Variants in BRD10 observed in about 807,000 individuals in gnomAD.
The protein encoded by BRD10 is uncharacterized bromodomain-containing protein 10.
the BRD10 span, among the ~76,000 whole-genome samples, chr9:5,947,121 A>C: frequency 1.3e-5 from 2 of 152,178 alleles, no homozygotes; most frequent in African/African-American, 4.8e-5. Context: ...CCACGAATGA[A>C]ATCACACAGC....
At chr9:5,898,524 A>G in the BRD10 span, among the ~76,000 whole-genome samples, 1 of 152,182 alleles carries the variant, frequency 6.6e-6, no homozygotes, top group Non-Finnish European at 1.5e-5. Context: ...TGGGGGACAC[A>G]TTCAAACTAT....
the BRD10 span, chr9:6,007,186 C>G: frequency 1.2e-6 from 2 of 1,608,602 alleles, no homozygotes; most frequent in South Asian, 2.2e-5. Context: ...GGGGACCGGG[C>G]TCGCTTACCG....
chr9:5,959,682 C>G, the BRD10 span, among the ~76,000 whole-genome samples: 2 of 152,138 alleles, frequency 1.3e-5, no homozygotes, highest in South Asian at 2.1e-4. Flanking sequence ...CACTACAGAA[C>G]TATATAATAA....
the BRD10 span, chr9:5,919,895 G>GTGC: frequency 6.2e-7 from 1 of 1,613,842 alleles, no homozygotes; most frequent in Non-Finnish European, 8.5e-7. Context: ...AAACACTGAA[G>GTGC]TGCTACTTGG....
the BRD10 span, among the ~76,000 whole-genome samples, chr9:5,957,546 G>A: frequency 7.9e-5 from 12 of 152,202 alleles, no homozygotes; most frequent in African/African-American, 2.9e-4. Flanking sequence ...TGCACTAGGA[G>A]CATACATGTG....
At chr9:5,894,279 G>A in the BRD10 span, among the ~76,000 whole-genome samples, 8 of 152,066 alleles carry the variant, frequency 5.3e-5, no homozygotes, top group South Asian at 1.7e-3. The surrounding 1 kb of genome is among the most constrained non-coding windows in gnomAD (Gnocchi z 4.0). Context: ...TAACTTTCAG[G>A]GTCTAGTCAG....
the BRD10 span, chr9:5,919,543 A>AACACATACAC: frequency 2.5e-6 from 1 of 394,974 alleles, no homozygotes; most frequent in Non-Finnish European, 4.3e-6. Flanking sequence ...GATACATTAA[A>AACACATACAC]ACACACACAC....
chr9:5,943,557 A>C, the BRD10 span, among the ~76,000 whole-genome samples: 2 of 151,958 alleles, frequency 1.3e-5, no homozygotes, highest in Admixed American at 6.5e-5. Context: ...AAAAAAAAAA[A>C]AAACCCTCTG....
the BRD10 span, chr9:5,933,877 G>T: frequency 2.1e-6 from 1 of 468,374 alleles, no homozygotes; most frequent in Non-Finnish European, 4.4e-6. Context: ...GGGGACATTG[G>T]ATACCTAAAA....
At chr9:5,913,090 T>C in the BRD10 span, among the ~76,000 whole-genome samples, 1 of 152,170 alleles carries the variant, frequency 6.6e-6, no homozygotes, top group East Asian at 1.9e-4. Context: ...ATTGTTTTTA[T>C]AGTAAAGAGC....
At chr9:5,974,201 A>T in the BRD10 span, among the ~76,000 whole-genome samples, 1 of 152,188 alleles carries the variant, frequency 6.6e-6, no homozygotes, top group Non-Finnish European at 1.5e-5. Context: ...AATAGCAACA[A>T]AATAAACCAG....
At chr9:5,908,748 C>G in the BRD10 span, 1 of 1,575,206 alleles carries the variant, frequency 6.3e-7, no homozygotes, top group Non-Finnish European at 8.7e-7. Context: ...AATTATTTCT[C>G]TCACACTTTT....
the BRD10 span, among the ~76,000 whole-genome samples, chr9:5,981,705 G>A: frequency 6.6e-6 from 1 of 151,976 alleles, no homozygotes; most frequent in Non-Finnish European, 1.5e-5. Flanking sequence ...GTTTACTATA[G>A]CATTCTATAA....
chr9:5,937,219 ACT>A, the BRD10 span, among the ~76,000 whole-genome samples: 5 of 144,274 alleles, frequency 3.5e-5, no homozygotes, highest in African/African-American at 5.2e-5. Context: ...ATAGAGCAAG[ACT>A]CTGCCTCAAA....
chr9:5,929,047 T>C, the BRD10 span: 3 of 1,528,300 alleles, frequency 2.0e-6, no homozygotes, highest in Non-Finnish European at 2.7e-6. Context: ...AAATTACCTG[T>C]TTCTTTGGAA....
the BRD10 span, among the ~76,000 whole-genome samples, chr9:5,887,737 A>G: frequency 6.6e-6 from 1 of 152,192 alleles, no homozygotes; most frequent in Admixed American, 6.5e-5. Flanking sequence ...AAATTCCCTG[A>G]GATAGCCTCC....
chr9:5,936,376 T>G, the BRD10 span, among the ~76,000 whole-genome samples: 8 of 152,212 alleles, frequency 5.3e-5, no homozygotes, highest in South Asian at 1.7e-3. Flanking sequence ...AATGAATAAT[T>G]TATCAGTGTT....
the BRD10 span, among the ~76,000 whole-genome samples, chr9:5,970,661 G>A: frequency 2.6e-4 from 40 of 152,190 alleles, no homozygotes; most frequent in African/African-American, 8.4e-4. Context: ...AGGATGGGAG[G>A]ATGTTTTTGT....
At chr9:5,948,789 A>C in the BRD10 span, among the ~76,000 whole-genome samples, 1 of 152,168 alleles carries the variant, frequency 6.6e-6, no homozygotes, top group Non-Finnish European at 1.5e-5. Context: ...AGATCCTGTA[A>C]TTTATTATAA....
Sources: gnomAD v4.1 joint callset for allele counts (sites outside exome capture counted in the v4.1 genomes callset) on GRCh38, gnomAD v4.1.1 for gene constraint, Gnocchi (gnomAD v3.1) non-coding constraint, MANE v1.5 for transcripts, NCBI Gene and HGNC (gene_info 2026-07-23, HGNC 2026-07-21) for gene names.